The following LTBP1 variants were observed in gnomAD, a reference collection of about 807,000 sequenced individuals.
LTBP1 encodes latent-transforming growth factor beta-binding protein 1.
LTBP1 carries 129 observed loss-of-function variants against 207.6 expected under a neutral mutation model. The ratio of observed to expected loss-of-function variants is 0.62; its 90% confidence interval spans 0.54 to 0.72. The LOEUF (loss-of-function observed/expected upper bound fraction) is 0.72, where lower values mean the gene tolerates loss of function less well. Among genes scored for constraint, LTBP1 ranks in the 30% least tolerant of loss-of-function variants. The pLI, the probability that LTBP1 is intolerant of heterozygous loss-of-function variation, is 0.00. For missense variants in LTBP1, 2,281 were observed against 2,217.2 expected (o/e 1.03, Z -0.58); for synonymous variants, 963 against 833.7 (o/e 1.16, Z -2.67).
intron 2 of LTBP1, among the ~76,000 whole-genome samples, chr2:33,012,425 A>G (rs1687799455): frequency 6.6e-6 from 1 of 152,220 alleles, no homozygotes; most frequent in Admixed American, 6.5e-5. Flanking sequence ...TCCTCAAGGA[A>G]ACAAACCATT....
At chr2:33,068,673 G>C (rs219089) in intron 3 of LTBP1, among the ~76,000 whole-genome samples, 106,994 of 152,058 alleles carry the variant, frequency 0.7, 41,002 homozygotes, top group East Asian at 1. Context: ...TGATTTTGAT[G>C]ATAAGGAATA....
chr2:33,194,349 C>A (rs1306375157), intron 7 of LTBP1, among the ~76,000 whole-genome samples: 1 of 151,962 alleles, frequency 6.6e-6, no homozygotes, highest in Non-Finnish European at 1.5e-5. Flanking sequence ...ATGTTGAAAG[C>A]CAAAATAAGC....
chr2:33,304,466 T>G (rs1013363216), intron 22 of LTBP1, among the ~76,000 whole-genome samples: 3 of 152,178 alleles, frequency 2.0e-5, no homozygotes, highest in Non-Finnish European at 4.4e-5. Context: ...AGACCTTGTT[T>G]TCTTATTGTC....
intron 2 of LTBP1, among the ~76,000 whole-genome samples, chr2:32,987,378 C>G (rs1437636675): frequency 1.3e-5 from 2 of 152,188 alleles, no homozygotes; most frequent in South Asian, 4.2e-4. Flanking sequence ...TCCTTGCTTG[C>G]TGTTCATGTA....
intron 5 of LTBP1, among the ~76,000 whole-genome samples, chr2:33,152,213 A>C (rs2083595357): frequency 6.6e-6 from 1 of 152,176 alleles, no homozygotes; most frequent in African/African-American, 2.4e-5. Flanking sequence ...AACTCAAAAA[A>C]GCAGTAAGAA....
At chr2:33,038,610 C>A (rs1427257250) in intron 3 of LTBP1, among the ~76,000 whole-genome samples, 1 of 152,172 alleles carries the variant, frequency 6.6e-6, no homozygotes, top group African/African-American at 2.4e-5. Context: ...GGCAAATTTT[C>A]TCTGGACATC....
intron 31 of LTBP1, among the ~76,000 whole-genome samples, chr2:33,386,826 C>CTTTTTTTTTTT (rs1009498572): frequency 1.7e-5 from 2 of 119,350 alleles, no homozygotes; most frequent in African/African-American, 7.0e-5. Flanking sequence ...GAGCAAGACC[C>CTTTTTTTTTTT]TTTTTTTTTT....
intron 19 of LTBP1, among the ~76,000 whole-genome samples, chr2:33,289,122 A>G (rs956523406): frequency 1.3e-5 from 2 of 152,180 alleles, no homozygotes; most frequent in Non-Finnish European, 2.9e-5. Context: ...AGTTTTCAAC[A>G]ATGTACTTGT....
intron 15 of LTBP1, among the ~76,000 whole-genome samples, chr2:33,268,924 C>T (rs1029386594): frequency 3.3e-5 from 5 of 152,138 alleles, no homozygotes; most frequent in Admixed American, 6.5e-5. Flanking sequence ...ATGGCCCAGA[C>T]ATTTAAAAAA....
At chr2:33,170,499 T>G (rs2085333384) in intron 5 of LTBP1, among the ~76,000 whole-genome samples, 1 of 152,050 alleles carries the variant, frequency 6.6e-6, no homozygotes, top group Non-Finnish European at 1.5e-5. Flanking sequence ...CACAGCAGCC[T>G]GGAAGCTCGA....
At chr2:32,978,592 T>C (rs1682209792) in intron 2 of LTBP1, among the ~76,000 whole-genome samples, 1 of 152,108 alleles carries the variant, frequency 6.6e-6, no homozygotes, top group African/African-American at 2.4e-5. Flanking sequence ...TTTGTTGAAT[T>C]TGGTTTGTTA....
chr2:33,365,706 C>T (rs183319194), intron 31 of LTBP1, among the ~76,000 whole-genome samples: 342 of 152,080 alleles, frequency 2.2e-3, no homozygotes, highest in Non-Finnish European at 3.6e-3. Flanking sequence ...CCGACCCTGT[C>T]GTTAATTTTT....
chr2:32,954,548 G>GCCCCCC, intron 2 of LTBP1, among the ~76,000 whole-genome samples: 1 of 135,952 alleles, frequency 7.4e-6, no homozygotes, highest in Non-Finnish European at 1.6e-5. Context: ...TCCACTCCCC[G>GCCCCCC]CCCCCCCCCA....
chr2:33,029,486 A>G (rs2075589044), intron 3 of LTBP1, among the ~76,000 whole-genome samples: 1 of 151,776 alleles, frequency 6.6e-6, no homozygotes, highest in Non-Finnish European at 1.5e-5. Context: ...CAAAAGAAGA[A>G]AAAAAAAAGA....
At chr2:33,149,747 C>T (rs1035640988) in intron 5 of LTBP1, among the ~76,000 whole-genome samples, 28 of 152,192 alleles carry the variant, frequency 1.8e-4, no homozygotes, top group Admixed American at 7.8e-4. Flanking sequence ...TTTTTTTGCA[C>T]GTCTCAGAAG....
intron 2 of LTBP1, among the ~76,000 whole-genome samples, chr2:32,994,198 T>C (rs1421172076): frequency 6.6e-6 from 1 of 152,176 alleles, no homozygotes; most frequent in African/African-American, 2.4e-5. Flanking sequence ...AACCTAAATA[T>C]CCACCCACTC....
intron 11 of LTBP1, among the ~76,000 whole-genome samples, chr2:33,256,432 A>G (rs1318893060): frequency 6.6e-6 from 1 of 151,964 alleles, no homozygotes; most frequent in Non-Finnish European, 1.5e-5. Flanking sequence ...CTTCAACTGG[A>G]AGCAAACTGT....
chr2:33,270,348 G>C (rs2093290064), intron 15 of LTBP1, among the ~76,000 whole-genome samples: 1 of 152,006 alleles, frequency 6.6e-6, no homozygotes, highest in African/African-American at 2.4e-5. Flanking sequence ...CCAGCACTTG[G>C]GGAGGCTGAT....
intron 2 of LTBP1, among the ~76,000 whole-genome samples, chr2:32,980,314 T>C (rs900687365): frequency 6.6e-6 from 1 of 152,158 alleles, no homozygotes; most frequent in Non-Finnish European, 1.5e-5. Context: ...TTTTTGTGTA[T>C]CTGTTGCATG....
Sources: allele counts gnomAD v4.1 joint callset (sites outside exome capture counted in the v4.1 genomes callset), GRCh38; gene constraint gnomAD v4.1.1; transcripts MANE v1.5; gene names NCBI Gene and HGNC (gene_info 2026-07-23, HGNC 2026-07-21).